PRCP: variants seen among roughly 807,000 people sequenced by gnomAD.
PRCP encodes prolylcarboxypeptidase, also known as lysosomal Pro-X carboxypeptidase.
Under a neutral mutation model 54.2 loss-of-function variants are expected in PRCP, and 46 were observed. That is an observed-to-expected ratio of 0.85 (90% confidence interval 0.67 to 1.09). PRCP has a LOEUF of 1.09. Among genes scored for constraint, PRCP ranks in the 50% least tolerant of loss-of-function variants. The pLI is 0.00. For missense variants in PRCP, 613 were observed against 596.8 expected (o/e 1.03, Z -0.28); for synonymous variants, 240 against 212.2 (o/e 1.13, Z -1.14).
At position 82,824,220 on chromosome 11, in the gene PRCP, A is replaced by G. The variant is rs978033425; in HGVS notation, c.*686T>C. ...AAAGGCCAGATTTCTTACTGGCAGT[A>G]CCACAGTGGCCAACATCCCAGAACT... On this transcript the variant is annotated 3_prime_UTR_variant, in exon 9 of 9. Coordinates refer to ENST00000313010, the MANE Select transcript of PRCP (RefSeq NM_005040.4). 2.0e-5 allele frequency: 3 copies of G among 152,288 alleles called. No individual in the cohort carries two copies. Among genetic ancestry groups the G allele is most frequent in the African/African-American group, 4.8e-5 (2 of 41,454 alleles). 9.4% of individuals were successfully genotyped at this position (152,288 alleles called of 1,614,324 possible). A position where few individuals can be genotyped will look rare whatever the true frequency, so the allele number is the denominator to read the frequency against.
chr11:82,825,405 T>A, intron 8 of PRCP: 1 of 334,270 alleles, frequency 3.0e-6, no homozygotes, highest in South Asian at 3.5e-5. Context: ...GAAACCTGAA[T>A]TTCAATCCTG....
intron 6 of PRCP, among the ~76,000 whole-genome samples, chr11:82,844,763 G>GAAAGAAAGAAAGA (rs1555014092): frequency 1.4e-5 from 2 of 145,404 alleles, no homozygotes; most frequent in Non-Finnish European, 3.0e-5. Flanking sequence ...AAGAAAGAAA[G>GAAAGAAAGAAAGA]AAAGAAAAGA....
intron 1 of PRCP, among the ~76,000 whole-genome samples, chr11:82,898,874 G>A (rs1300922201): frequency 6.6e-6 from 1 of 152,208 alleles, no homozygotes; most frequent in Non-Finnish European, 1.5e-5. Context: ...TGGGGACACA[G>A]TGGCACACGC....
chr11:82,844,732 C>CAAAAAAAAAAAAAAAA (rs11284339), intron 6 of PRCP, among the ~76,000 whole-genome samples: 2 of 91,202 alleles, frequency 2.2e-5, no homozygotes, highest in Non-Finnish European at 4.4e-5. Context: ...GGCTCCGTCT[C>CAAAAAAAAAAAAAAAA]AAAAAAAAAA....
At chr11:82,872,914 G>A (rs1452928142) in intron 1 of PRCP, among the ~76,000 whole-genome samples, 1 of 152,152 alleles carries the variant, frequency 6.6e-6, no homozygotes, top group Non-Finnish European at 1.5e-5. Flanking sequence ...GCCAGAAAGA[G>A]TTTAATGTAG....
rs1440562506 is a variant in PRCP, at chr11:82,881,493, C to T, written c.168+18742G>A. Among the ~76,000 whole-genome samples the T allele has an allele frequency of 2.6e-5, 4 of 152,222 alleles. No individual in the cohort carries two copies. In the East Asian group the frequency reaches 7.7e-4, roughly 29 times the overall value. ...TGGGCTGAGTCAGCGGGGAAGGTTT[C>T]TCTGAAGATGTGGGGTTTAAGCAGG... On this transcript the variant is annotated intron_variant, in intron 1 of 8. Coordinates refer to ENST00000313010, the MANE Select transcript of PRCP (RefSeq NM_005040.4).
intron 1 of PRCP, among the ~76,000 whole-genome samples, chr11:82,870,273 T>C (rs147721060): frequency 2.4e-4 from 37 of 152,354 alleles, no homozygotes; most frequent in African/African-American, 8.2e-4. Context: ...GTGTAAAATT[T>C]GTGTTTCCAA....
intron 1 of PRCP, among the ~76,000 whole-genome samples, chr11:82,893,049 T>A (rs548540720): frequency 2.1e-4 from 32 of 152,292 alleles, no homozygotes; most frequent in African/African-American, 7.0e-4. Flanking sequence ...AAGCCAATAC[T>A]TTTTGTCTCC....
intron 1 of PRCP, chr11:82,884,983 A>G (rs1469569475): frequency 1.3e-6 from 2 of 1,493,994 alleles, no homozygotes; most frequent in Non-Finnish European, 1.8e-6. Context: ...TCAGTGCTCA[A>G]TATTGTCATG....
At chr11:82,859,049 G>T (rs902470538) in intron 2 of PRCP, among the ~76,000 whole-genome samples, 1 of 152,198 alleles carries the variant, frequency 6.6e-6, no homozygotes, top group African/African-American at 2.4e-5. Context: ...CATTGTGCCA[G>T]ACACTGGCAT....
At chr11:82,897,169 T>C (rs1332250325) in intron 1 of PRCP, among the ~76,000 whole-genome samples, 2 of 152,216 alleles carry the variant, frequency 1.3e-5, no homozygotes, top group Admixed American at 1.3e-4. Flanking sequence ...ATCCTCTCTC[T>C]GGTCTCCTAA....
At chr11:82,844,732 C>CAAAAAAAA (rs11284339) in intron 6 of PRCP, among the ~76,000 whole-genome samples, 6 of 91,176 alleles carry the variant, frequency 6.6e-5, no homozygotes, top group Non-Finnish European at 8.9e-5. Flanking sequence ...GGCTCCGTCT[C>CAAAAAAAA]AAAAAAAAAA....
chr11:82,849,025 G>C, intron 6 of PRCP, 24 bp downstream of exon 6: 2 of 1,597,264 alleles, frequency 1.3e-6, no homozygotes, highest in East Asian at 2.2e-5. Context: ...ATTAAAAAAT[G>C]ATGACAGGAC....
intron 1 of PRCP, among the ~76,000 whole-genome samples, chr11:82,862,090 CA>C (rs200363491): frequency 3.3e-5 from 5 of 149,286 alleles, no homozygotes; most frequent in South Asian, 4.2e-4. Context: ...AAAAAAAATC[CA>C]AAAAAAAATC....
intron 1 of PRCP, among the ~76,000 whole-genome samples, chr11:82,887,378 A>G (rs980552195): frequency 1.4e-4 from 21 of 152,220 alleles, no homozygotes; most frequent in African/African-American, 4.6e-4. Context: ...GCACAAAGGA[A>G]GAGTTCAACA....
chr11:82,848,667 A>G (rs551877077), intron 6 of PRCP, among the ~76,000 whole-genome samples: 1 of 152,346 alleles, frequency 6.6e-6, no homozygotes, highest in South Asian at 2.1e-4. Flanking sequence ...TTAAGCATCA[A>G]CCATGTATTA....
At chr11:82,859,379 C>G (rs1195039059) in intron 2 of PRCP, among the ~76,000 whole-genome samples, 2 of 152,110 alleles carry the variant, frequency 1.3e-5, no homozygotes, top group African/African-American at 4.8e-5. Flanking sequence ...ATTTTTTTCT[C>G]ATTTGCACTG....
Position 82,883,375 on chromosome 11 carries a change from TAGAC to T in PRCP, c.168+16856_168+16859del, listed in dbSNP as rs541618677. Reference sequence around the variant, plus strand: ...AGGAAGACAAACCATTCCAAGCTGATAGACAGCAGCACTATGTAAGCCACAACCC... The same window carrying T: ...AGGAAGACAAACCATTCCAAGCTGATAGCAGCACTATGTAAGCCACAACCC... On this transcript the variant is annotated intron_variant, in intron 1 of 8. Coordinates refer to ENST00000313010, the MANE Select transcript of PRCP (RefSeq NM_005040.4). 4.6e-5 allele frequency among the ~76,000 whole-genome samples: 7 copies of T among 152,248 alleles called. No homozygotes were observed. The South Asian group carries it at 1.2e-3, about 27-fold the overall frequency.
At chr11:82,840,710 G>C (rs1236260264) in intron 6 of PRCP, 1 of 151,914 alleles carries the variant, frequency 6.6e-6, no homozygotes, top group Non-Finnish European at 1.5e-5. Flanking sequence ...TAATTATTAA[G>C]CCTTGGGTTT....
Sources: gnomAD v4.1 joint callset for allele counts (sites outside exome capture counted in the v4.1 genomes callset) on GRCh38, gnomAD v4.1.1 for gene constraint, MANE v1.5 for transcripts, NCBI Gene and HGNC (gene_info 2026-07-23, HGNC 2026-07-21) for gene names.